BCAS4: variants seen among roughly 807,000 people sequenced by gnomAD.
BCAS4 encodes the protein breast carcinoma amplified sequence 4, also known as breast carcinoma-amplified sequence 4.
A neutral mutation model predicts 15.7 loss-of-function variants in BCAS4; 9 were observed. The observed-to-expected ratio is 0.57, with a 90% CI of 0.34 to 1.00. BCAS4 has a LOEUF of 1.00. BCAS4 is among the 50% of genes least tolerant of loss of function. The pLI, the probability that BCAS4 is intolerant of heterozygous loss-of-function variation, is 0.02. For synonymous variants in BCAS4, 101 were observed against 99.5 expected (o/e 1.02, Z -0.09); for missense variants, 225 against 239.1 (o/e 0.94, Z 0.39).
intron 4 of BCAS4, among the ~76,000 whole-genome samples, chr20:50,861,382 C>T (rs1257810423): frequency 1.3e-5 from 2 of 152,178 alleles, no homozygotes; most frequent in African/African-American, 4.8e-5. Context: ...GGGCCTGCAC[C>T]GTGTGGAGCC....
chr20:50,855,507 C>T (rs944402519), intron 4 of BCAS4, among the ~76,000 whole-genome samples: 4 of 152,098 alleles, frequency 2.6e-5, no homozygotes, highest in Admixed American at 1.3e-4. Context: ...CATCCCCCTT[C>T]GTGCCCCACC....
intron 4 of BCAS4, among the ~76,000 whole-genome samples, chr20:50,872,038 T>A (rs752414150): frequency 6.6e-6 from 1 of 151,414 alleles, no homozygotes; most frequent in Non-Finnish European, 1.5e-5. Flanking sequence ...GGCAGACAGA[T>A]CACTTGAGGT....
rs193081959 is a variant in BCAS4 at position 50,802,378 on chromosome 20, G to A, written c.90+7205G>A. On this transcript the variant is annotated intron_variant, in intron 1 of 4. Coordinates refer to ENST00000371608, the MANE Select transcript of BCAS4 (RefSeq NM_198799.4). Reference sequence around the variant, plus strand: ...GGCATGAGGAGCCAGGGGCAAGGCAGGTGCTGGGAGAGGCAGCTTTTCTCA... The same window carrying A: ...GGCATGAGGAGCCAGGGGCAAGGCAAGTGCTGGGAGAGGCAGCTTTTCTCA... Among the ~76,000 whole-genome samples the A allele has an allele frequency of 1.6e-3, 243 of 152,304 alleles. 1 individual carries two copies. The highest frequency in any genetic ancestry group is 5.3e-3 in the African/African-American group (219 of 41,562).
intron 4 of BCAS4, among the ~76,000 whole-genome samples, chr20:50,860,075 G>T (rs1283311147): frequency 1.3e-5 from 2 of 152,162 alleles, no homozygotes; most frequent in African/African-American, 4.8e-5. Context: ...GGTTGAGGCT[G>T]CAGTGAGCTG....
chr20:50,840,570 C>G lies in BCAS4; in HGVS notation c.265-1196C>G. On this transcript the variant is annotated intron_variant, in intron 3 of 4. Coordinates refer to ENST00000371608, the MANE Select transcript of BCAS4 (RefSeq NM_198799.4). ...AGCTAAAAGAAGTAAAATAAGAAGG[C>G]AATGCTTGTGGAATGTACAGTGCAT... 2.6e-6 allele frequency: 4 copies of G among 1,537,204 alleles called. No homozygotes were observed. The African/African-American group carries it at 5.4e-5, about 21-fold the overall frequency.
intron 4 of BCAS4, among the ~76,000 whole-genome samples, chr20:50,850,874 G>A (rs141901647): frequency 6.6e-6 from 1 of 152,340 alleles, no homozygotes; most frequent in African/African-American, 2.4e-5. Context: ...AGATTTCTTA[G>A]GGGGCGTGTC....
chr20:50,830,224 C>T, intron 2 of BCAS4, 55 bp from the exon 3 acceptor site: 3 of 1,462,310 alleles, frequency 2.1e-6, no homozygotes, highest in Middle Eastern at 1.8e-4. Context: ...CTGAGGCAGG[C>T]AGGAGGACAC....
intron 4 of BCAS4, among the ~76,000 whole-genome samples, chr20:50,859,892 C>T (rs951427937): frequency 3.3e-5 from 5 of 152,186 alleles, no homozygotes; most frequent in African/African-American, 1.2e-4. Context: ...GTAATCCCAA[C>T]ACTTTGGGAG....
At chr20:50,797,754 C>T (rs536020153) in intron 1 of BCAS4, among the ~76,000 whole-genome samples, 1 of 151,850 alleles carries the variant, frequency 6.6e-6, no homozygotes, top group Admixed American at 6.5e-5. Context: ...CAACCTCCAC[C>T]TCCTGGGTTC....
intron 1 of BCAS4, among the ~76,000 whole-genome samples, chr20:50,810,842 G>T (rs535805583): frequency 1.3e-5 from 2 of 151,974 alleles, no homozygotes; most frequent in Non-Finnish European, 2.9e-5. Flanking sequence ...TGTCCGCCTC[G>T]GCCCCTCAAA....
At chr20:50,842,093 G>A (rs1179663522) in intron 4 of BCAS4, among the ~76,000 whole-genome samples, 193 bp downstream of exon 4, 3 of 152,186 alleles carry the variant, frequency 2.0e-5, no homozygotes, top group Non-Finnish European at 2.9e-5. Flanking sequence ...GTGACGGTTC[G>A]TGTGCTCATG....
chr20:50,859,065 A>G (rs1411583330), intron 4 of BCAS4, among the ~76,000 whole-genome samples: 3 of 151,878 alleles, frequency 2.0e-5, no homozygotes, highest in African/African-American at 7.3e-5. Flanking sequence ...CCCCGCAAGT[A>G]GCTGAGAGAC....
chr20:50,804,308 G>A (rs896549466), intron 1 of BCAS4, among the ~76,000 whole-genome samples: 1 of 152,120 alleles, frequency 6.6e-6, no homozygotes, highest in African/African-American at 2.4e-5. Context: ...CAAAGTGCTG[G>A]GATTATAGGT....
At chr20:50,794,931 G>T (rs1199026254), upstream of BCAS4, 9 of 1,121,866 alleles carry the variant, frequency 8.0e-6, no homozygotes, top group Non-Finnish European at 9.9e-6. Flanking sequence ...GGCGCTCCTG[G>T]AGCTGCGAGC....
intron 3 of BCAS4, among the ~76,000 whole-genome samples, chr20:50,837,125 A>G (rs78413072): frequency 0.015 from 2,345 of 152,282 alleles, 60 homozygotes; most frequent in African/African-American, 0.054. Flanking sequence ...TATTAGTCTC[A>G]TTTTACAGAA....
intron 4 of BCAS4, among the ~76,000 whole-genome samples, chr20:50,861,502 C>T (rs1045712548): frequency 3.3e-5 from 5 of 152,204 alleles, no homozygotes; most frequent in South Asian, 2.1e-4. Context: ...CCGTCCAGCA[C>T]GGACGGCCTG....
At chr20:50,821,156 AT>A (rs2088210888) in intron 2 of BCAS4, among the ~76,000 whole-genome samples, 1 of 152,128 alleles carries the variant, frequency 6.6e-6, no homozygotes, top group South Asian at 2.1e-4. Flanking sequence ...GTGCTTGTGT[AT>A]TTTTGATAGA....
intron 4 of BCAS4, among the ~76,000 whole-genome samples, chr20:50,855,092 G>A (rs1030288601): frequency 6.6e-6 from 1 of 152,148 alleles, no homozygotes; most frequent in African/African-American, 2.4e-5. Context: ...GGGGTGTCTT[G>A]GGTCCCACCT....
chr20:50,854,649 A>T (rs1163713134), intron 4 of BCAS4, among the ~76,000 whole-genome samples: 1 of 152,088 alleles, frequency 6.6e-6, no homozygotes, highest in Non-Finnish European at 1.5e-5. Context: ...GCCTGAAGGG[A>T]TTCACTTATG....
Sources: allele counts gnomAD v4.1 joint callset (sites outside exome capture counted in the v4.1 genomes callset), GRCh38; gene constraint gnomAD v4.1.1; transcripts MANE v1.5; gene names NCBI Gene and HGNC (gene_info 2026-07-23, HGNC 2026-07-21).